The following NTM variants were observed in gnomAD, a reference collection of about 807,000 sequenced individuals.
NTM encodes the protein neurotrimin, also known as IgLON family member 2.
Under a neutral mutation model 42.1 loss-of-function variants are expected in NTM, and 13 were observed. The observed-to-expected ratio is 0.31, with a 90% CI of 0.20 to 0.49. The LOEUF (loss-of-function observed/expected upper bound fraction) is 0.49. Among genes scored for constraint, NTM ranks in the 20% least tolerant of loss-of-function variants. NTM has a pLI of 0.99. For missense variants in NTM, 373 were observed against 452.8 expected, an observed-to-expected ratio of 0.82 and a Z score of 1.60; for synonymous variants, 187 against 179.2, an observed-to-expected ratio of 1.04 and a Z score of -0.35.
At position 131,709,170 on chromosome 11, in the gene NTM, G is replaced by A. The variant is rs73591098; in HGVS notation, c.83-202394G>A. 5.2e-3 allele frequency among the ~76,000 whole-genome samples: 792 copies of A among 152,278 alleles called. 4 individuals carry two copies. The highest frequency in any genetic ancestry group is 0.018 in the African/African-American group (736 of 41,562). On this transcript the variant is annotated intron_variant, in intron 1 of 8. Coordinates refer to ENST00000683400, the MANE Select transcript of NTM (RefSeq NM_001352005.2). The stretch of plus-strand genomic sequence containing the variant: ...GGCAGGGAAGGACAGGATAATAAGA[G>A]TAAGGTGGGGAGGAGGGGAAGAGAG...
At chr11:132,044,132 G>GTA (rs1566016259) in intron 2 of NTM, among the ~76,000 whole-genome samples, 83 of 146,690 alleles carry the variant, frequency 5.7e-4, no homozygotes, top group African/African-American at 8.3e-4. Flanking sequence ...GTGTATATAT[G>GTA]TGTGTGTGTA....
intron 1 of NTM, chr11:131,660,140 A>G: frequency 5.5e-6 from 1 of 182,986 alleles, no homozygotes; most frequent in Non-Finnish European, 1.2e-5. Context: ...GAGCCGGGCA[A>G]GGCGGGGACT....
intron 1 of NTM, among the ~76,000 whole-genome samples, chr11:131,559,371 G>C (rs540234435): frequency 7.8e-4 from 119 of 152,196 alleles, no homozygotes; most frequent in Non-Finnish European, 9.1e-4. Context: ...CAGTTCTCTG[G>C]TAAAGTGATT....
chr11:131,688,168 G>A (rs539007762), intron 1 of NTM, among the ~76,000 whole-genome samples: 1 of 152,258 alleles, frequency 6.6e-6, no homozygotes, highest in South Asian at 2.1e-4. Context: ...AACGGCCACC[G>A]GAGGGCACCC....
chr11:131,559,643 C>T (rs1027198861), intron 1 of NTM, among the ~76,000 whole-genome samples: 1 of 152,188 alleles, frequency 6.6e-6, no homozygotes, highest in Non-Finnish European at 1.5e-5. Flanking sequence ...TCAGGCCTCT[C>T]CCAAAACAGT....
chr11:131,628,589 C>T (rs563883435), intron 1 of NTM, among the ~76,000 whole-genome samples: 2 of 152,298 alleles, frequency 1.3e-5, no homozygotes, highest in South Asian at 2.1e-4. Context: ...AAGAGTCAGA[C>T]ACCAAATGGT....
intron 1 of NTM, chr11:131,897,101 G>C (rs1378908325): frequency 6.6e-6 from 1 of 152,214 alleles, no homozygotes; most frequent in Non-Finnish European, 1.5e-5. Context: ...TGCGGCCTCT[G>C]TACACTAAAC....
chr11:132,138,643 T>A (rs765353335), intron 2 of NTM, among the ~76,000 whole-genome samples: 2 of 128,150 alleles, frequency 1.6e-5, no homozygotes, highest in African/African-American at 2.8e-5. Flanking sequence ...GAGAGACTTA[T>A]AAGAATTGGC....
chr11:132,208,940 C>T lies in NTM; in HGVS notation c.401-3082C>T, dbSNP rs372063819. Among the ~76,000 whole-genome samples, 27 of 152,298 alleles carry T rather than the reference C, an allele frequency of 1.8e-4. No individual in the cohort carries two copies. The East Asian group carries it at 2.7e-3, about 15-fold the overall frequency. Reference sequence around the variant, plus strand: ...CGTCTGCAAGGCCAGCACAGACATTCTGCAGGCAGCCTGTCCTCCAGGAAG... The same window carrying T: ...CGTCTGCAAGGCCAGCACAGACATTTTGCAGGCAGCCTGTCCTCCAGGAAG... On this transcript the variant is annotated intron_variant, in intron 3 of 8. Transcript: ENST00000683400.
intron 1 of NTM, among the ~76,000 whole-genome samples, chr11:131,788,548 G>C (rs1268980936): frequency 6.6e-6 from 1 of 151,656 alleles, no homozygotes; most frequent in African/African-American, 2.4e-5. Context: ...ATAGTCTTCC[G>C]TGCTGACACA....
chr11:131,535,687 T>C (rs1317044960), intron 1 of NTM: 1 of 152,172 alleles, frequency 6.6e-6, no homozygotes, highest in African/African-American at 2.4e-5. Flanking sequence ...TGTGTGTATC[T>C]CCCTTGGAAC....
chr11:131,559,502 T>C (rs1429929825), intron 1 of NTM, among the ~76,000 whole-genome samples: 2 of 152,180 alleles, frequency 1.3e-5, no homozygotes, highest in Non-Finnish European at 2.9e-5. Flanking sequence ...TCAAATTTGT[T>C]AGATAAAATT....
chr11:131,971,914 T>C (rs1185851), intron 2 of NTM, among the ~76,000 whole-genome samples: 98,266 of 151,444 alleles, frequency 0.65, 32,260 homozygotes, highest in East Asian at 0.8. Context: ...AGTGTGGTGG[T>C]GGGCGCCTGT....
At chr11:132,150,347 G>A (rs947520094) in intron 3 of NTM, among the ~76,000 whole-genome samples, 3 of 152,128 alleles carry the variant, frequency 2.0e-5, no homozygotes, top group African/African-American at 7.2e-5. Flanking sequence ...TTCCACATAA[G>A]ATCTACGGGA....
At chr11:132,310,687 A>C (rs1464610728) in intron 6 of NTM, among the ~76,000 whole-genome samples, 1 of 152,166 alleles carries the variant, frequency 6.6e-6, no homozygotes, top group Non-Finnish European at 1.5e-5. Context: ...CACTATCAGT[A>C]GCGGTGTATA....
intron 1 of NTM, among the ~76,000 whole-genome samples, chr11:131,735,835 GGT>G (rs398018112): frequency 0.16 from 19,038 of 120,872 alleles, 1,529 homozygotes; most frequent in African/African-American, 0.25. Context: ...CCATTCATAA[GGT>G]GTGTGTGTGT....
chr11:132,300,767 C>G (rs1387538799), intron 4 of NTM, among the ~76,000 whole-genome samples: 1 of 152,202 alleles, frequency 6.6e-6, no homozygotes, highest in African/African-American at 2.4e-5. Context: ...CTGCCTGGGA[C>G]CCTCCGTTTA....
chr11:131,726,638 C>T lies in NTM; in HGVS notation c.83-184926C>T, dbSNP rs568056483. 2.0e-5 allele frequency among the ~76,000 whole-genome samples: 3 copies of T among 151,440 alleles called. 1 individual carries two copies. Among genetic ancestry groups the T allele is most frequent in the African/African-American group, 4.9e-5 (2 of 40,712 alleles). On this transcript the variant is annotated intron_variant, in intron 1 of 8. Transcript: ENST00000683400. ...TCTAGGAATTTCCTTGTTGGCTCCT[C>T]TTCCCAAGCCTCAGTTTCCTGCCTT...
chr11:131,968,869 G>T (rs192695227), intron 2 of NTM, among the ~76,000 whole-genome samples: 61 of 152,138 alleles, frequency 4.0e-4, no homozygotes, highest in Admixed American at 1.6e-3. Flanking sequence ...TTTCCCACTG[G>T]CTTTTTCTCT....
Sources: allele counts gnomAD v4.1 joint callset (sites outside exome capture counted in the v4.1 genomes callset), GRCh38; gene constraint gnomAD v4.1.1; transcripts MANE v1.5; gene names NCBI Gene and HGNC (gene_info 2026-07-23, HGNC 2026-07-21).